The following HS6ST3 variants were observed in gnomAD, a reference collection of about 807,000 sequenced individuals.
The protein encoded by HS6ST3 is heparan-sulfate 6-O-sulfotransferase 3.
HS6ST3 carries 12 observed loss-of-function variants against 36.7 expected under a neutral mutation model. The ratio of observed to expected loss-of-function variants is 0.33; its 90% CI spans 0.21 to 0.53. The LOEUF (loss-of-function observed/expected upper bound fraction) is 0.53. HS6ST3 is among the 20% of genes least tolerant of loss of function. HS6ST3 has a pLI of 0.95. For missense variants in HS6ST3, 584 were observed against 640.9 expected (o/e 0.91, Z 0.96); for synonymous variants, 240 against 257.5 (o/e 0.93, Z 0.65).
intron 1 of HS6ST3, among the ~76,000 whole-genome samples, chr13:96,645,582 A>G (rs1231449612): frequency 6.6e-6 from 1 of 151,714 alleles, no homozygotes; most frequent in Non-Finnish European, 1.5e-5. Context: ...ACCTTATTAT[A>G]AGCACTTTGG....
At chr13:96,492,324 C>G (rs2055950536) in intron 1 of HS6ST3, among the ~76,000 whole-genome samples, 1 of 152,230 alleles carries the variant, frequency 6.6e-6, no homozygotes, top group East Asian at 1.9e-4. Context: ...AGGTTAGCAT[C>G]TTACGTTACT....
Position 96,825,705 on chromosome 13 carries a change from G to A in HS6ST3, c.708-6785G>A, listed in dbSNP as rs72646759. Among the ~76,000 whole-genome samples the A allele has an allele frequency of 3.1e-3, 476 of 152,260 alleles. 1 individual carries two copies. The highest frequency in any genetic ancestry group is 6.8e-3 in the Middle Eastern group (2 of 294). On this transcript the variant is annotated intron_variant, in intron 1 of 1. Coordinates refer to ENST00000376705, the MANE Select transcript of HS6ST3 (RefSeq NM_153456.4). ...ATTCACAATCACATTCAGAGCCTAC[G>A]GCAATTGGGTCTCAACATCCTGCTC... is the stretch of plus-strand genomic sequence containing the variant.
At chr13:96,095,861 C>CT (rs2053787671) in intron 1 of HS6ST3, among the ~76,000 whole-genome samples, 1 of 77,842 alleles carries the variant, frequency 1.3e-5, no homozygotes, top group Non-Finnish European at 2.4e-5. Context: ...ATTTATATGA[C>CT]TGGTGTGTGT....
intron 1 of HS6ST3, among the ~76,000 whole-genome samples, chr13:96,697,317 T>C (rs1401258817): frequency 1.3e-5 from 2 of 151,918 alleles, no homozygotes; most frequent in East Asian, 3.9e-4. Flanking sequence ...AGTAAAAATC[T>C]AACAATTGGA....
At chr13:96,154,563 T>A (rs1404031884) in intron 1 of HS6ST3, among the ~76,000 whole-genome samples, 2 of 152,142 alleles carry the variant, frequency 1.3e-5, no homozygotes, top group Non-Finnish European at 2.9e-5. Flanking sequence ...TAGTATTAAA[T>A]AATTTTATGA....
At position 96,292,112 on chromosome 13, in the gene HS6ST3, CAT is replaced by C. The variant is rs147630525; in HGVS notation, c.707+200544_707+200545del. On this transcript the variant is annotated intron_variant, in intron 1 of 1. Transcript: ENST00000376705. The stretch of plus-strand genomic sequence containing the variant: ...ATCATGGGATACTTTTTTTGTAAAA[CAT>C]GTGTTAACATGTGTGAGAATGGTGT... Among the ~76,000 whole-genome samples the C allele has an allele frequency of 3.8e-3, 585 of 152,000 alleles. 1 individual carries two copies. The highest frequency in any genetic ancestry group is 7.2e-3 in the Non-Finnish European group (490 of 67,926).
chr13:96,491,302 C>T (rs750057300), intron 1 of HS6ST3, among the ~76,000 whole-genome samples: 14 of 152,000 alleles, frequency 9.2e-5, no homozygotes, highest in South Asian at 4.2e-4. Context: ...TTTCTTCCCA[C>T]GGCCACTGTT....
chr13:96,135,957 T>C (rs1457157822), intron 1 of HS6ST3, among the ~76,000 whole-genome samples: 1 of 152,200 alleles, frequency 6.6e-6, no homozygotes, highest in Non-Finnish European at 1.5e-5. Flanking sequence ...CTCTCCCCTG[T>C]GCAGCCTGCA....
rs111699653 is a variant in HS6ST3, at chr13:96,614,324, A to C, written c.708-218166A>C. Among the ~76,000 whole-genome samples the C allele has an allele frequency of 1.7e-4, 21 of 123,688 alleles. 2 individuals carry two copies. The highest frequency in any genetic ancestry group is 4.9e-4 in the African/African-American group (16 of 32,802). The allele number at this position is 123,688 out of a possible 152,430, so 81.1% of individuals were successfully genotyped here. On this transcript the variant is annotated intron_variant, in intron 1 of 1. Transcript: ENST00000376705. The stretch of plus-strand genomic sequence containing the variant: ...AAAAAAAAAAAAAAAAAAAAAAAAA[A>C]AAAACAGTTATTACCAGAGTGCAGC...
chr13:96,628,268 G>A (rs1002959412), intron 1 of HS6ST3, among the ~76,000 whole-genome samples: 16 of 151,688 alleles, frequency 1.1e-4, no homozygotes, highest in South Asian at 4.1e-4. Context: ...TATAATCTAC[G>A]TTTTTCAGAA....
intron 1 of HS6ST3, among the ~76,000 whole-genome samples, chr13:96,106,855 T>C (rs772957084): frequency 6.6e-6 from 1 of 152,324 alleles, no homozygotes; most frequent in East Asian, 1.9e-4. Flanking sequence ...ATCTTAGAAG[T>C]TGGGAAAACA....
intron 1 of HS6ST3, among the ~76,000 whole-genome samples, chr13:96,612,976 C>T (rs1352009551): frequency 6.6e-6 from 1 of 152,170 alleles, no homozygotes; most frequent in Non-Finnish European, 1.5e-5. Flanking sequence ...GTCTATCCCT[C>T]TTCCTGTAAT....
Position 96,186,486 on chromosome 13 carries a change from G to C in HS6ST3, c.707+94917G>C, listed in dbSNP as rs2054265617. Among the ~76,000 whole-genome samples, 4 of 152,218 alleles carry C rather than the reference G, an allele frequency of 2.6e-5. No individual in the cohort carries two copies. The South Asian group carries it at 8.3e-4, about 32-fold the overall frequency. The stretch of plus-strand genomic sequence containing the variant: ...TTACATTATTATGCACTCAGTGTTT[G>C]TTCTGTGGATGGGTCTTGAAAGTTT... On this transcript the variant is annotated intron_variant, in intron 1 of 1. Coordinates refer to ENST00000376705, the MANE Select transcript of HS6ST3 (RefSeq NM_153456.4).
rs371647396 is a variant in HS6ST3 at position 96,319,810 on chromosome 13, G to A, written c.707+228241G>A. ...TAAAGCAGGTGCATTTCAGGATTTC[G>A]TTTTAAAGCACTTGAGAACAATCTT... On this transcript the variant is annotated intron_variant, in intron 1 of 1. Coordinates refer to ENST00000376705, the MANE Select transcript of HS6ST3 (RefSeq NM_153456.4). Among the ~76,000 whole-genome samples the A allele has an allele frequency of 5.8e-4, 89 of 152,298 alleles. 1 individual carries two copies. The highest frequency in any genetic ancestry group is 2.0e-3 in the African/African-American group (85 of 41,570).
chr13:96,355,734 T>C (rs1594761296), intron 1 of HS6ST3, among the ~76,000 whole-genome samples: 1 of 152,264 alleles, frequency 6.6e-6, no homozygotes, highest in African/African-American at 2.4e-5. Context: ...TTACTGAAGG[T>C]TGGGTGACTG....
intron 1 of HS6ST3, among the ~76,000 whole-genome samples, chr13:96,282,232 C>T (rs1299035234): frequency 6.6e-6 from 1 of 152,144 alleles, no homozygotes; most frequent in African/African-American, 2.4e-5. Flanking sequence ...GGGGGTGACT[C>T]TTCTGGAGTC....
chr13:96,376,796 TC>T (rs1268054620), intron 1 of HS6ST3, among the ~76,000 whole-genome samples: 1 of 151,926 alleles, frequency 6.6e-6, no homozygotes. Context: ...TCTTCTCTGC[TC>T]TCCCTTTCCC....
At chr13:96,545,741 G>C (rs1252961485) in intron 1 of HS6ST3, among the ~76,000 whole-genome samples, 1 of 152,090 alleles carries the variant, frequency 6.6e-6, no homozygotes, top group Non-Finnish European at 1.5e-5. Flanking sequence ...GTTTTCATCT[G>C]TATTCTTAAG....
intron 1 of HS6ST3, among the ~76,000 whole-genome samples, chr13:96,593,713 G>A (rs1024572082): frequency 1.3e-5 from 2 of 151,050 alleles, no homozygotes; most frequent in African/African-American, 4.9e-5. Context: ...GAATTTTTTT[G>A]CATTTTGAGG....
Sources: allele counts gnomAD v4.1 joint callset (sites outside exome capture counted in the v4.1 genomes callset), GRCh38; gene constraint gnomAD v4.1.1; transcripts MANE v1.5; gene names NCBI Gene and HGNC (gene_info 2026-07-23, HGNC 2026-07-21).